RYR2: variants seen among roughly 807,000 people sequenced by gnomAD.
RYR2 encodes the protein ryanodine receptor 2.
A neutral mutation model predicts 601.1 loss-of-function variants in RYR2; 227 were observed. That is an observed-to-expected ratio of 0.38 (90% CI 0.34 to 0.42). The LOEUF (loss-of-function observed/expected upper bound fraction) is 0.42. RYR2 is among the 10% of genes least tolerant of loss of function. The probability of loss-of-function intolerance (pLI) is 1.00; values close to 1 mark genes in which losing one functional copy is unlikely to be tolerated. For synonymous variants in RYR2, 2,223 were observed against 2,175.1 expected (o/e 1.02, Z -0.61); for missense variants, 4,646 against 6,156.5 (o/e 0.75, Z 8.21).
chr1:237,405,335 C>T (rs1703754546), intron 10 of RYR2, among the ~76,000 whole-genome samples: 2 of 152,162 alleles, frequency 1.3e-5, no homozygotes, highest in Non-Finnish European at 2.9e-5. Flanking sequence ...GGGTGATCAA[C>T]TATGTCAAAT....
chr1:237,591,886 A>G (rs372144918), intron 32 of RYR2, 33 bp downstream of exon 32: 9 of 1,502,590 alleles, frequency 6.0e-6, no homozygotes, highest in Admixed American at 3.6e-5. Flanking sequence ...GTTTATTTCT[A>G]TCTGTCACTC....
Position 237,510,207 on chromosome 1 carries a change from G to A in RYR2, c.2719-1481G>A, listed in dbSNP as rs147078280. Among the ~76,000 whole-genome samples the A allele has an allele frequency of 4.1e-4, 62 of 152,264 alleles. No individual in the cohort carries two copies. The East Asian group carries it at 0.01, about 25-fold the overall frequency. ...CAGGTGAGAGGCGACTCAGAGCCCC[G>A]CAGTGGGGATAGAGAGACGTGATTA... On this transcript the variant is annotated intron_variant, in intron 23 of 104. Transcript: ENST00000366574.
At chr1:237,548,931 TC>T (rs1670100844) in intron 26 of RYR2, among the ~76,000 whole-genome samples, 1 of 152,222 alleles carries the variant, frequency 6.6e-6, no homozygotes, top group African/African-American at 2.4e-5. Context: ...GGGTTCACCA[TC>T]CCTTATTCAC....
At chr1:237,639,739 A>T (rs1681264794) in intron 46 of RYR2, among the ~76,000 whole-genome samples, 1 of 152,172 alleles carries the variant, frequency 6.6e-6, no homozygotes, top group East Asian at 1.9e-4. Context: ...TTAATACTAG[A>T]GTCCAGTCAT....
chr1:237,359,252 C>T (rs1459824692), intron 4 of RYR2, among the ~76,000 whole-genome samples: 1 of 152,150 alleles, frequency 6.6e-6, no homozygotes, highest in Non-Finnish European at 1.5e-5. Context: ...TTGAATATCT[C>T]ATGTAATTTA....
At chr1:237,486,567 T>C (rs1662710230) in intron 17 of RYR2, among the ~76,000 whole-genome samples, 1 of 152,182 alleles carries the variant, frequency 6.6e-6, no homozygotes, top group South Asian at 2.1e-4. Flanking sequence ...AGTTATATAC[T>C]GTAGAGAGGA....
At chr1:237,712,118 G>C (rs548453975) in intron 71 of RYR2, among the ~76,000 whole-genome samples, 1 of 152,048 alleles carries the variant, frequency 6.6e-6, no homozygotes, top group African/African-American at 2.4e-5. Context: ...AGGGCCCCCC[G>C]GGGAGAGGTC....
intron 25 of RYR2, among the ~76,000 whole-genome samples, chr1:237,547,254 C>T (rs1400029953): frequency 6.6e-6 from 1 of 152,016 alleles, no homozygotes; most frequent in African/African-American, 2.4e-5. Flanking sequence ...GATCCACCCA[C>T]GTTGGCCTCC....
chr1:237,282,431 G>A (rs572182013), intron 2 of RYR2, among the ~76,000 whole-genome samples: 2 of 151,646 alleles, frequency 1.3e-5, no homozygotes, highest in South Asian at 4.2e-4. Context: ...TGAAAAATGT[G>A]CAAGCCATTC....
chr1:237,060,816 T>C (rs1486543658), intron 1 of RYR2, among the ~76,000 whole-genome samples: 1 of 152,192 alleles, frequency 6.6e-6, no homozygotes, highest in East Asian at 1.9e-4. Flanking sequence ...GTTTCACTAA[T>C]AAAAACAAAG....
intron 1 of RYR2, among the ~76,000 whole-genome samples, chr1:237,191,626 G>A (rs544535896): frequency 6.6e-6 from 1 of 152,172 alleles, no homozygotes; most frequent in East Asian, 1.9e-4. Flanking sequence ...ATAAAAGAAC[G>A]GCACAATCAA....
At chr1:237,292,979 G>GA (rs375839228) in intron 2 of RYR2, among the ~76,000 whole-genome samples, 52 of 144,112 alleles carry the variant, frequency 3.6e-4, no homozygotes, top group Admixed American at 1.2e-3. Context: ...GAGTTCTGAT[G>GA]AAAAAAAAAA....
chr1:237,631,951 T>C (rs1384337534), intron 42 of RYR2, among the ~76,000 whole-genome samples: 4 of 152,040 alleles, frequency 2.6e-5, no homozygotes, highest in Admixed American at 6.5e-5. Context: ...AGATTCTTAA[T>C]GAGAATTTCT....
chr1:237,310,743 T>C (rs1694469042), intron 2 of RYR2, among the ~76,000 whole-genome samples: 1 of 152,194 alleles, frequency 6.6e-6, no homozygotes, highest in Non-Finnish European at 1.5e-5. Flanking sequence ...TACTTTTTGG[T>C]TTACAATAAT....
chr1:237,220,253 T>C (rs1346657237), intron 1 of RYR2, among the ~76,000 whole-genome samples: 2 of 152,190 alleles, frequency 1.3e-5, no homozygotes, highest in Admixed American at 1.3e-4. Context: ...GAAAGGGAAT[T>C]CACTCTCTCT....
At chr1:237,489,931 T>C (rs1440128095) in intron 17 of RYR2, among the ~76,000 whole-genome samples, 1 of 152,202 alleles carries the variant, frequency 6.6e-6, no homozygotes, top group African/African-American at 2.4e-5. Context: ...GTGGTACCTA[T>C]GCGTCATGAA....
chr1:237,467,928 G>A (rs1252646589), intron 16 of RYR2, among the ~76,000 whole-genome samples: 2 of 145,448 alleles, frequency 1.4e-5, no homozygotes, highest in Non-Finnish European at 1.5e-5. Flanking sequence ...GCACGATCTT[G>A]GCTCACTGCA....
intron 58 of RYR2, among the ~76,000 whole-genome samples, chr1:237,671,115 G>A (rs1295730270): frequency 6.6e-6 from 1 of 152,146 alleles, no homozygotes; most frequent in African/African-American, 2.4e-5. Context: ...TGGTGAGGTA[G>A]GGGAAATTAG....
intron 96 of RYR2, 114 bp downstream of exon 96, chr1:237,795,445 T>C (rs1474460952): frequency 1.9e-6 from 1 of 530,316 alleles, no homozygotes; most frequent in Non-Finnish European, 3.2e-6. Context: ...CCTATTAATG[T>C]CTCCATTTTT....
Sources: allele counts gnomAD v4.1 joint callset (sites outside exome capture counted in the v4.1 genomes callset), GRCh38; gene constraint gnomAD v4.1.1; transcripts MANE v1.5; gene names NCBI Gene and HGNC (gene_info 2026-07-23, HGNC 2026-07-21).